Variants in IL1RAPL2 observed in about 807,000 individuals in gnomAD.
IL1RAPL2 encodes the protein interleukin 1 receptor accessory protein like 2, also known as X-linked interleukin-1 receptor accessory protein-like 2.
A neutral mutation model predicts 44.1 loss-of-function variants in IL1RAPL2; 3 were observed. The observed-to-expected ratio is 0.07, with a 90% CI of 0.03 to 0.18. The LOEUF (loss-of-function observed/expected upper bound fraction) is 0.18, where lower values mean the gene tolerates loss of function less well. Ranked by LOEUF, IL1RAPL2 falls within the 10% of genes least tolerant of loss-of-function variation. IL1RAPL2 has a pLI of 1.00. For synonymous variants in IL1RAPL2, 181 were observed against 178.8 expected, an observed-to-expected ratio of 1.01 and a Z score of -0.10; for missense variants, 391 against 496.4, an observed-to-expected ratio of 0.79 and a Z score of 2.02.
intron 4 of IL1RAPL2, among the ~76,000 whole-genome samples, chrX:105,260,364 G>T (rs777862899): frequency 1.8e-5 from 2 of 112,515 alleles, no homozygotes; most frequent in East Asian, 5.7e-4. Flanking sequence ...GGCCCAGTTT[G>T]GGAGGTCCCG....
intron 6 of IL1RAPL2, among the ~76,000 whole-genome samples, chrX:105,630,083 C>G (rs1381846000): frequency 9.0e-6 from 1 of 111,361 alleles, no homozygotes; most frequent in Non-Finnish European, 1.9e-5. Flanking sequence ...GGCTTTAAGC[C>G]AACAGTAAAT....
intron 6 of IL1RAPL2, among the ~76,000 whole-genome samples, chrX:105,576,083 A>G (rs1167500054): frequency 9.0e-6 from 1 of 111,411 alleles, no homozygotes; most frequent in Non-Finnish European, 1.9e-5. Flanking sequence ...TGAGATCCAT[A>G]GTTTGCAAAT....
intron 5 of IL1RAPL2, among the ~76,000 whole-genome samples, chrX:105,442,648 C>G (rs1474528751): frequency 1.8e-5 from 2 of 112,299 alleles, no homozygotes; most frequent in African/African-American, 3.2e-5. Flanking sequence ...GCCTACATTT[C>G]TATTATTTAC....
At chrX:104,821,247 T>A (rs1921293386) in intron 2 of IL1RAPL2, among the ~76,000 whole-genome samples, 1 of 111,804 alleles carries the variant, frequency 8.9e-6, no homozygotes, top group Non-Finnish European at 1.9e-5. Flanking sequence ...TCTGTTTTTT[T>A]TTTAATTTTT....
intron 3 of IL1RAPL2, chrX:105,219,736 C>G (rs782120437): frequency 8.3e-7 from 1 of 1,205,987 alleles, no homozygotes; most frequent in Non-Finnish European, 1.1e-6. Context: ...CCCCTGCTCC[C>G]ACTCATGGGG....
chrX:105,196,096 A>G (rs782645651), intron 3 of IL1RAPL2, among the ~76,000 whole-genome samples: 2 of 110,460 alleles, frequency 1.8e-5, no homozygotes, highest in Non-Finnish European at 3.8e-5. Context: ...GGCCTGACCA[A>G]TATGGTGAAA....
intron 6 of IL1RAPL2, 32 bp from the exon 7 acceptor site, chrX:105,717,335 C>G: frequency 8.7e-7 from 1 of 1,150,560 alleles, no homozygotes; most frequent in Non-Finnish European, 1.2e-6. Context: ...AATCAGGAGT[C>G]ATTTGCTCAT....
At chrX:104,959,295 A>G (rs2029960081) in intron 2 of IL1RAPL2, among the ~76,000 whole-genome samples, 1 of 111,147 alleles carries the variant, frequency 9.0e-6, no homozygotes, top group Non-Finnish European at 1.9e-5. Context: ...ATGGGCTATC[A>G]GGTGTCGTCT....
rs764335824 is a variant in IL1RAPL2 at position 105,685,345 on chromosome X, T to G, written c.773-32022T>G. 8.6e-4 allele frequency among the ~76,000 whole-genome samples: 96 copies of G among 111,108 alleles called. 1 individual carries two copies. The highest frequency in any genetic ancestry group is 1.0e-3 in the Non-Finnish European group (53 of 52,957). ...AGGAATGGCTAATTAGAATAAACAG[T>G]GTAGAGAAGATCTTAAATGACCTGA... On this transcript the variant is annotated intron_variant, in intron 6 of 10. Transcript: ENST00000372582.
intron 4 of IL1RAPL2, among the ~76,000 whole-genome samples, chrX:105,264,392 A>T (rs1256903846): frequency 4.5e-5 from 5 of 111,288 alleles, no homozygotes; most frequent in Admixed American, 1.9e-4. Context: ...ATGAGAACAG[A>T]CTAATACATA....
intron 2 of IL1RAPL2, among the ~76,000 whole-genome samples, chrX:104,882,047 A>C (rs1000295724): frequency 8.9e-6 from 1 of 112,633 alleles, no homozygotes; most frequent in South Asian, 3.7e-4. Flanking sequence ...GTCAACAGGC[A>C]TATATGCTTC....
chrX:104,683,578 G>A (rs2147541178), intron 2 of IL1RAPL2, among the ~76,000 whole-genome samples: 1 of 112,330 alleles, frequency 8.9e-6, no homozygotes, highest in Admixed American at 9.4e-5. Flanking sequence ...GCACTGACAT[G>A]GTGAGAGTGC....
intron 2 of IL1RAPL2, among the ~76,000 whole-genome samples, chrX:105,172,538 T>C (rs2033432749): frequency 9.0e-6 from 1 of 111,593 alleles, no homozygotes; most frequent in African/African-American, 3.3e-5. Context: ...CTATGCTCTA[T>C]TCCTAGTTGA....
chrX:104,990,189 C>T (rs776506214), intron 2 of IL1RAPL2, among the ~76,000 whole-genome samples: 9 of 112,232 alleles, frequency 8.0e-5, no homozygotes, highest in Non-Finnish European at 1.7e-4. Context: ...TGTATCTCTT[C>T]ACTCAGAAAG....
At chrX:105,328,844 C>T (rs2034962516) in intron 5 of IL1RAPL2, among the ~76,000 whole-genome samples, 1 of 112,019 alleles carries the variant, frequency 8.9e-6, no homozygotes, top group African/African-American at 3.2e-5. Context: ...AGGTTTGTAG[C>T]CTAGGAGTAG....
chrX:104,696,920 T>G (rs947501203), intron 2 of IL1RAPL2, among the ~76,000 whole-genome samples: 3 of 112,113 alleles, frequency 2.7e-5, no homozygotes, highest in Non-Finnish European at 5.6e-5. Context: ...CACCGTCTAG[T>G]TGATTTTTCA....
chrX:105,399,081 A>C (rs184329656), intron 5 of IL1RAPL2, among the ~76,000 whole-genome samples: 15 of 111,859 alleles, frequency 1.3e-4, no homozygotes, highest in African/African-American at 4.9e-4. Flanking sequence ...ATATTGAACA[A>C]AAATTCAGAA....
chrX:105,761,954 A>G (rs2147596859), intron 10 of IL1RAPL2, among the ~76,000 whole-genome samples: 1 of 112,138 alleles, frequency 8.9e-6, no homozygotes, highest in East Asian at 2.8e-4. Flanking sequence ...GGCAGGAGTA[A>G]GACCACATAG....
chrX:105,363,896 G>A (rs1165303314), intron 5 of IL1RAPL2, among the ~76,000 whole-genome samples: 1 of 110,730 alleles, frequency 9.0e-6, no homozygotes, highest in African/African-American at 3.3e-5. Flanking sequence ...CCAATCCATG[G>A]GTTATCACTT....
Sources: allele counts gnomAD v4.1 joint callset (sites outside exome capture counted in the v4.1 genomes callset), GRCh38; gene constraint gnomAD v4.1.1; transcripts MANE v1.5; gene names NCBI Gene and HGNC (gene_info 2026-07-23, HGNC 2026-07-21).